Variants in DPYD observed in about 807,000 individuals in gnomAD.
The protein encoded by DPYD is dihydropyrimidine dehydrogenase [NADP(+)].
DPYD carries 109 observed loss-of-function variants against 116.2 expected under a neutral mutation model. That is an observed-to-expected ratio of 0.94 (90% CI 0.80 to 1.10). DPYD has a LOEUF of 1.10. Among genes scored for constraint, DPYD ranks in the 50% least tolerant of loss-of-function variants. The pLI is 0.00. For synonymous variants in DPYD, 440 were observed against 432.0 expected (o/e 1.02, Z -0.23); for missense variants, 1,302 against 1,254.5 (o/e 1.04, Z -0.57).
intron 5 of DPYD, among the ~76,000 whole-genome samples, chr1:97,712,560 C>T (rs982122451): frequency 1.3e-5 from 2 of 152,012 alleles, no homozygotes; most frequent in Non-Finnish European, 2.9e-5. Flanking sequence ...AATAGATTAT[C>T]TTTCCTAACA....
At chr1:97,654,843 C>T (rs932465122) in intron 8 of DPYD, among the ~76,000 whole-genome samples, 3 of 152,034 alleles carry the variant, frequency 2.0e-5, no homozygotes, top group African/African-American at 4.8e-5. Context: ...GGACTGAGCT[C>T]GCAGTTCCAT....
chr1:97,737,122 C>T (rs1465804784), intron 4 of DPYD, among the ~76,000 whole-genome samples: 1 of 152,076 alleles, frequency 6.6e-6, no homozygotes, highest in Admixed American at 6.6e-5. Context: ...AATATTCCTC[C>T]TAACTGTAAT....
At chr1:97,866,930 G>T (rs1467715337) in intron 2 of DPYD, among the ~76,000 whole-genome samples, 1 of 151,876 alleles carries the variant, frequency 6.6e-6, no homozygotes, top group African/African-American at 2.4e-5. Flanking sequence ...AAAACAAGCA[G>T]CAGGAGATGA....
intron 3 of DPYD, among the ~76,000 whole-genome samples, chr1:97,746,191 T>G (rs2101084148): frequency 6.6e-6 from 1 of 152,262 alleles, no homozygotes; most frequent in Non-Finnish European, 1.5e-5. Flanking sequence ...TATGGCAAGC[T>G]TTTCTAACTC....
intron 2 of DPYD, among the ~76,000 whole-genome samples, chr1:97,829,199 T>C (rs1669400917): frequency 2.6e-5 from 4 of 151,888 alleles, no homozygotes; most frequent in Non-Finnish European, 5.9e-5. Context: ...ATGTTCTTTC[T>C]ATTCTTGAAT....
chr1:97,670,976 C>G (rs189420019), intron 8 of DPYD, among the ~76,000 whole-genome samples: 1 of 151,938 alleles, frequency 6.6e-6, no homozygotes, highest in Non-Finnish European at 1.5e-5. Context: ...AAAAATTCCT[C>G]CATGTCTCCA....
At chr1:97,699,628 T>C (rs1278003702) in intron 5 of DPYD, 81 bp from the exon 6 acceptor site, 1 of 1,405,054 alleles carries the variant, frequency 7.1e-7, no homozygotes, top group Non-Finnish European at 1.0e-6. Flanking sequence ...TTCAAACGAA[T>C]TCTTGTTTTA....
intron 6 of DPYD, among the ~76,000 whole-genome samples, chr1:97,693,268 G>A (rs1186469243): frequency 7.5e-6 from 1 of 133,154 alleles, no homozygotes; most frequent in Non-Finnish European, 1.5e-5. Context: ...TCCAGCCTGG[G>A]CGACAGAGCC....
chr1:97,252,568 T>A (rs147152013), intron 18 of DPYD, among the ~76,000 whole-genome samples: 75 of 152,306 alleles, frequency 4.9e-4, no homozygotes, highest in African/African-American at 1.8e-3. Flanking sequence ...CACAGATATG[T>A]TAAATCTAGT....
intron 4 of DPYD, among the ~76,000 whole-genome samples, chr1:97,732,906 G>A (rs1663712565): frequency 6.6e-6 from 1 of 152,054 alleles, no homozygotes; most frequent in African/African-American, 2.4e-5. Context: ...TACAAAGCTA[G>A]TTTTACACGC....
At chr1:97,110,388 AGG>A (rs1651505500) in intron 20 of DPYD, among the ~76,000 whole-genome samples, 2 of 152,050 alleles carry the variant, frequency 1.3e-5, no homozygotes, top group African/African-American at 4.8e-5. Flanking sequence ...CTACTAAGAG[AGG>A]TATCCTATGT....
At chr1:97,794,493 C>T (rs556681464) in intron 3 of DPYD, among the ~76,000 whole-genome samples, 4 of 152,230 alleles carry the variant, frequency 2.6e-5, no homozygotes, top group African/African-American at 7.2e-5. Flanking sequence ...AAATTAAAAA[C>T]GTTAAAGACT....
intron 10 of DPYD, among the ~76,000 whole-genome samples, chr1:97,591,383 T>A (rs1031040788): frequency 6.6e-6 from 1 of 152,214 alleles, no homozygotes; most frequent in Non-Finnish European, 1.5e-5. Context: ...CATGAGGGCA[T>A]GAAATTCTAA....
intron 19 of DPYD, among the ~76,000 whole-genome samples, chr1:97,206,141 A>T (rs1213455441): frequency 4.0e-5 from 6 of 150,964 alleles, no homozygotes; most frequent in Admixed American, 1.3e-4. Context: ...TTCTCCAGAC[A>T]CTCCTCCAAG....
At chr1:97,354,454 G>C (rs1376111595) in intron 16 of DPYD, among the ~76,000 whole-genome samples, 1 of 152,106 alleles carries the variant, frequency 6.6e-6, no homozygotes, top group Non-Finnish European at 1.5e-5. Context: ...GAGTTCCAAA[G>C]ATAAAATATT....
intron 14 of DPYD, among the ~76,000 whole-genome samples, chr1:97,426,502 G>C (rs991800489): frequency 6.6e-6 from 1 of 151,916 alleles, no homozygotes; most frequent in African/African-American, 2.4e-5. Flanking sequence ...GTGTGGCTTA[G>C]TCTAATAGAA....
At chr1:97,089,726 G>A (rs527509522) in intron 21 of DPYD, among the ~76,000 whole-genome samples, 1 of 152,098 alleles carries the variant, frequency 6.6e-6, no homozygotes, top group African/African-American at 2.4e-5. Flanking sequence ...AAATGAAGAT[G>A]TGGTGTTGAT....
At chr1:97,307,738 C>A (rs1667257067) in intron 16 of DPYD, among the ~76,000 whole-genome samples, 1 of 151,892 alleles carries the variant, frequency 6.6e-6, no homozygotes, top group South Asian at 2.1e-4. Flanking sequence ...CTTAGCTGTA[C>A]AAATTCTAAC....
chr1:97,860,845 T>C (rs1027456108), intron 2 of DPYD, among the ~76,000 whole-genome samples: 3 of 151,700 alleles, frequency 2.0e-5, no homozygotes, highest in Non-Finnish European at 4.4e-5. Flanking sequence ...ACAAAGAAAA[T>C]GTTTTGTCCT....
Sources: allele counts gnomAD v4.1 joint callset (sites outside exome capture counted in the v4.1 genomes callset), GRCh38; gene constraint gnomAD v4.1.1; transcripts MANE v1.5; gene names NCBI Gene and HGNC (gene_info 2026-07-23, HGNC 2026-07-21).